Variants in ANKS1B observed in about 807,000 individuals in gnomAD.
ANKS1B encodes the protein ankyrin repeat and sterile alpha motif domain-containing protein 1B.
A neutral mutation model predicts 148.3 loss-of-function variants in ANKS1B; 36 were observed. The observed-to-expected ratio is 0.24, with a 90% CI of 0.19 to 0.32. ANKS1B has a LOEUF of 0.32. ANKS1B is among the 10% of genes least tolerant of loss of function. The probability of loss-of-function intolerance (pLI) is 1.00; values close to 1 mark genes in which losing one functional copy is unlikely to be tolerated. For missense variants in ANKS1B, 1,157 were observed against 1,542.6 expected (o/e 0.75, Z 4.19); for synonymous variants, 542 against 560.8 (o/e 0.97, Z 0.47).
chr12:98,865,399 T>A (rs548563725), intron 17 of ANKS1B, among the ~76,000 whole-genome samples: 3 of 152,290 alleles, frequency 2.0e-5, no homozygotes, highest in South Asian at 2.1e-4. Flanking sequence ...TTCAATTCCA[T>A]CACCCATCCA....
intron 12 of ANKS1B, among the ~76,000 whole-genome samples, chr12:99,332,115 T>C (rs547827157): frequency 5.5e-4 from 84 of 152,120 alleles, no homozygotes; most frequent in Admixed American, 4.5e-3. Flanking sequence ...CTCGATATGC[T>C]GTATAGCGTG....
chr12:99,669,674 T>C (rs962463969), intron 8 of ANKS1B, among the ~76,000 whole-genome samples: 83 of 152,294 alleles, frequency 5.4e-4, no homozygotes, highest in African/African-American at 1.8e-3. Context: ...TCTGTCTTCA[T>C]GAAGTTTCAC....
At chr12:99,328,856 T>C (rs2086971040) in intron 12 of ANKS1B, among the ~76,000 whole-genome samples, 1 of 151,872 alleles carries the variant, frequency 6.6e-6, no homozygotes, top group Non-Finnish European at 1.5e-5. Flanking sequence ...CAAAACTGTG[T>C]TCCATATTTT....
chr12:99,174,725 T>C (rs1020041952), intron 14 of ANKS1B, among the ~76,000 whole-genome samples: 1 of 152,182 alleles, frequency 6.6e-6, no homozygotes, highest in African/African-American at 2.4e-5. Flanking sequence ...AGAATCAAGC[T>C]GCAACTGAAA....
chr12:98,943,182 G>A (rs2099839775), intron 17 of ANKS1B, among the ~76,000 whole-genome samples: 1 of 152,190 alleles, frequency 6.6e-6, no homozygotes, highest in African/African-American at 2.4e-5. Flanking sequence ...AGATAGCAGA[G>A]CTCAATTCCT....
intron 26 of ANKS1B, among the ~76,000 whole-genome samples, chr12:98,746,189 C>A (rs2097887488): frequency 6.6e-6 from 1 of 152,164 alleles, no homozygotes; most frequent in African/African-American, 2.4e-5. Context: ...AGGGGGGCTT[C>A]CTGGAGGAGG....
chr12:99,524,040 T>C (rs1234415300), intron 9 of ANKS1B, among the ~76,000 whole-genome samples: 1 of 152,144 alleles, frequency 6.6e-6, no homozygotes, highest in Admixed American at 6.5e-5. Flanking sequence ...AGAGTGTGGG[T>C]TTATGGCTTT....
chr12:99,358,759 AT>A (rs2092246679), intron 12 of ANKS1B, among the ~76,000 whole-genome samples: 1 of 152,072 alleles, frequency 6.6e-6, no homozygotes, highest in Admixed American at 6.6e-5. Flanking sequence ...ATATTATAGA[AT>A]GCCCTATATG....
At chr12:99,155,365 A>G (rs1229022531) in intron 14 of ANKS1B, among the ~76,000 whole-genome samples, 1 of 152,176 alleles carries the variant, frequency 6.6e-6, no homozygotes, top group East Asian at 1.9e-4. Flanking sequence ...ACTGCAAAAT[A>G]CAGAAACTGC....
In ANKS1B at chr12:99,963,881, T is replaced by A. The variant is rs145972056; in HGVS notation, c.134+20223A>T. On this transcript the variant is annotated intron_variant, in intron 1 of 26. Coordinates refer to ENST00000683438, the MANE Select transcript of ANKS1B (RefSeq NM_001352186.2). ...GGAATATCATATAACAAGAAAAACC[T>A]ACTTGCTGGAATCCTTATCTCTATC... Among the ~76,000 whole-genome samples, 45 of 152,342 alleles carry A rather than the reference T, an allele frequency of 3.0e-4. 1 individual carries two copies. The highest frequency in any genetic ancestry group is 1.0e-3 in the African/African-American group (43 of 41,586).
intron 17 of ANKS1B, among the ~76,000 whole-genome samples, chr12:98,845,729 T>C (rs1008165580): frequency 6.6e-6 from 1 of 151,988 alleles, no homozygotes; most frequent in Non-Finnish European, 1.5e-5. Flanking sequence ...AAAACTTTTT[T>C]TTTTTTTTAA....
At chr12:99,759,607 T>C (rs1477650599) in intron 8 of ANKS1B, among the ~76,000 whole-genome samples, 1 of 151,956 alleles carries the variant, frequency 6.6e-6, no homozygotes, top group Non-Finnish European at 1.5e-5. Flanking sequence ...CTGATTTCCT[T>C]TGGCATTAGG....
At chr12:99,732,299 A>C (rs986426192) in intron 8 of ANKS1B, among the ~76,000 whole-genome samples, 1 of 152,206 alleles carries the variant, frequency 6.6e-6, no homozygotes, top group African/African-American at 2.4e-5. Flanking sequence ...TCCCACTCTT[A>C]CATGTTTACC....
chr12:99,634,850 G>A, intron 9 of ANKS1B, among the ~76,000 whole-genome samples: 1 of 152,094 alleles, frequency 6.6e-6, no homozygotes, highest in South Asian at 2.1e-4. Flanking sequence ...TGAAATGGGA[G>A]AAAATACTCT....
chr12:99,832,673 G>A (rs754998789), intron 1 of ANKS1B, among the ~76,000 whole-genome samples: 19 of 151,384 alleles, frequency 1.3e-4, no homozygotes, highest in East Asian at 7.8e-4. Flanking sequence ...GCAGTGAGCC[G>A]AGATCAGGCC....
At chr12:99,657,659 A>ATATATATT (rs66516058) in intron 8 of ANKS1B, among the ~76,000 whole-genome samples, 18 of 146,840 alleles carry the variant, frequency 1.2e-4, no homozygotes, top group African/African-American at 3.6e-4. Context: ...ATATATATAT[A>ATATATATT]TGATAAAGTT....
Position 99,246,702 on chromosome 12 carries a change from C to T in ANKS1B, c.1919G>A (p.Ser640Asn), listed in dbSNP as rs1378009175. 8.7e-6 allele frequency: 14 copies of T among 1,613,836 alleles called. No homozygotes were observed. The East Asian group carries it at 3.1e-4, about 36-fold the overall frequency. ...GAAAGGCAAAGGACTGTTTGCCAAA[C>T]TGACTTCATCTTGTCCTTTTTCACA... ...EQCEKGQDEV[S>N]LANSPLPFKQ... Residue 640 changes from serine (S) to asparagine (N), a missense_variant, in exon 13 of 27, where the codon AGT (serine) becomes AAT (asparagine). This residue lies in a region of ANKS1B where 661 missense variants were observed against 642.1 expected (regional missense o/e 1.03). Coordinates refer to ENST00000683438, the MANE Select transcript of ANKS1B (RefSeq NM_001352186.2).
chr12:98,848,068 G>A (rs1477459037), intron 17 of ANKS1B, among the ~76,000 whole-genome samples: 1 of 152,180 alleles, frequency 6.6e-6, no homozygotes, highest in African/African-American at 2.4e-5. Context: ...CTAAGAAATA[G>A]ATACTGAATC....
intron 1 of ANKS1B, among the ~76,000 whole-genome samples, chr12:99,932,302 G>T (rs1042038853): frequency 3.9e-5 from 6 of 152,112 alleles, no homozygotes; most frequent in Non-Finnish European, 7.4e-5. Context: ...GGGATTGCTG[G>T]ATCATATGGT....
Sources: gnomAD v4.1 joint callset for allele counts (sites outside exome capture counted in the v4.1 genomes callset) on GRCh38, gnomAD v4.1.1 for gene constraint, gnomAD v4.1.1 regional missense constraint, MANE v1.5 for transcripts, NCBI Gene and HGNC (gene_info 2026-07-23, HGNC 2026-07-21) for gene names.